Variants in BAHCC1 observed in about 807,000 individuals in gnomAD.
BAHCC1 encodes the protein BAH and coiled-coil domain-containing protein 1.
A neutral mutation model predicts 88.2 loss-of-function variants in BAHCC1; 43 were observed. The observed-to-expected ratio is 0.49, with a 90% CI of 0.38 to 0.63. The LOEUF (loss-of-function observed/expected upper bound fraction) is 0.63, where lower values mean the gene tolerates loss of function less well. Ranked by LOEUF, BAHCC1 falls within the 20% of genes least tolerant of loss-of-function variation. The probability of loss-of-function intolerance (pLI) is 0.00; values close to 1 mark genes in which losing one functional copy is unlikely to be tolerated. For missense variants in BAHCC1, 3,023 were observed against 1,654.8 expected (o/e 1.83, Z -14.34); for synonymous variants, 1,510 against 745.5 (o/e 2.03, Z -16.71).
rs1341860053 is a variant in BAHCC1, at chr17:81,457,316, C to A, written c.4859-94C>A. 4.5e-6 allele frequency: 3 copies of A among 667,566 alleles called. No individual in the cohort carries two copies. The African/African-American group carries it at 5.3e-5, about 12-fold the overall frequency. 41.4% of individuals were successfully genotyped at this position (667,566 alleles called of 1,614,324 possible). A position where few individuals can be genotyped will look rare whatever the true frequency, so the allele number is the denominator to read the frequency against. On this transcript the variant is annotated intron_variant, in intron 16 of 27. Transcript: ENST00000675386. ...ACGGTGACCAGCTCCACTCACAGCC[C>A]CGCCATAACCGCATGCCCAGAGGGT...
At position 81,445,450 on chromosome 17, in the gene BAHCC1, C is replaced by T. The variant is rs1555654061; in HGVS notation, c.2932C>T (p.Pro978Ser). 2.6e-6 allele frequency: 2 copies of T among 765,388 alleles called. No homozygotes were observed. Among genetic ancestry groups the T allele is most frequent in the Admixed American group, 1.7e-5 (1 of 57,642 alleles). 47.4% of individuals were successfully genotyped at this position (765,388 alleles called of 1,614,324 possible). Residue 978 changes from proline (P) to serine (S), a missense_variant, in exon 10 of 28, where the codon CCG becomes TCG. Pro to Ser is a moderately conservative substitution (Grantham distance 74). Transcript: ENST00000675386. Reference sequence around the variant, plus strand: ...GCCAGTTGCCTTAACCCCCACGGCCCCGGGCGCCCCCTCACCCGCTGCAGG... The same window carrying T: ...GCCAGTTGCCTTAACCCCCACGGCCTCGGGCGCCCCCTCACCCGCTGCAGG... ...HKPVALTPTA[P>S]GAPSPAAGPT...
At chr17:81,454,537 C>T (rs372283544) in intron 14 of BAHCC1, among the ~76,000 whole-genome samples, 5 of 150,068 alleles carry the variant, frequency 3.3e-5, no homozygotes, top group East Asian at 3.9e-4. Flanking sequence ...CTCTGGACAC[C>T]GCCCCCACCC....
chr17:81,446,978 C>A, intron 10 of BAHCC1, 58 bp from the exon 11 acceptor site: 1 of 770,586 alleles, frequency 1.3e-6, no homozygotes, highest in Non-Finnish European at 2.4e-6. Flanking sequence ...CGTCCTATCG[C>A]AGGACACCCC....
At chr17:81,413,945 C>T (rs1476579033) in intron 2 of BAHCC1, among the ~76,000 whole-genome samples, 4 of 152,192 alleles carry the variant, frequency 2.6e-5, no homozygotes, top group African/African-American at 4.8e-5. Flanking sequence ...TCAGCCACCC[C>T]GGGGGCTCCC....
Position 81,456,440 on chromosome 17 carries a change from C to T in BAHCC1, c.4713C>T (p.Pro1571=), listed in dbSNP as rs1568032860. 3 of 722,356 alleles carry T rather than the reference C, an allele frequency of 4.2e-6. No homozygotes were observed. Among genetic ancestry groups the T allele is most frequent in the African/African-American group, 1.7e-5 (1 of 57,472 alleles). The allele number at this position is 722,356 out of a possible 1,614,324, so 44.7% of individuals were successfully genotyped here. The change falls in exon 16 of 28, where the codon CCC becomes CCT. Residue 1571 remains proline (P), a synonymous_variant. Coordinates refer to ENST00000675386, the MANE Select transcript of BAHCC1 (RefSeq NM_001377448.1). ...CTTTCCAGCAGAAGGAGGCTACCCCCGGGGGGCGCATCCGGGAGAAGCTGT... is the reference window on the plus strand; with the variant it reads ...CTTTCCAGCAGAAGGAGGCTACCCCTGGGGGGCGCATCCGGGAGAAGCTGT... ...LSSFQQKEAT[P]GGRIREKLSR... is the part of the protein sequence containing the mutation.
chr17:81,462,256 C>T (rs1023874162), intron 26 of BAHCC1, among the ~76,000 whole-genome samples: 6 of 152,238 alleles, frequency 3.9e-5, no homozygotes, highest in Non-Finnish European at 8.8e-5. Flanking sequence ...CCGTGGCCTG[C>T]GTGACAGTAG....
chr17:81,452,172 C>A, intron 13 of BAHCC1, 65 bp downstream of exon 13: 1 of 551,448 alleles, frequency 1.8e-6, no homozygotes, highest in Non-Finnish European at 3.2e-6. Flanking sequence ...GAGGCGCCCA[C>A]AGTGCTGGGG....
intron 10 of BAHCC1, 71 bp downstream of exon 10, chr17:81,445,752 G>A (rs1188267122): frequency 1.3e-5 from 9 of 678,064 alleles, no homozygotes; most frequent in Non-Finnish European, 1.9e-5. Flanking sequence ...CGGCAGGGCT[G>A]CGCTGAATCC....
At chr17:81,453,405 G>A (rs1481335024) in intron 14 of BAHCC1, among the ~76,000 whole-genome samples, 23 of 152,286 alleles carry the variant, frequency 1.5e-4, no homozygotes, top group African/African-American at 4.3e-4. Flanking sequence ...TGGCGCGTGC[G>A]TGTGCGCACT....
At chr17:81,433,004 A>G (rs1253526978) in intron 3 of BAHCC1, among the ~76,000 whole-genome samples, 1 of 144,984 alleles carries the variant, frequency 6.9e-6, no homozygotes, top group Non-Finnish European at 1.5e-5. Context: ...GGAGGCTCCC[A>G]TGGGAACCTG....
At chr17:81,409,726 G>T (rs2063925334) in intron 2 of BAHCC1, among the ~76,000 whole-genome samples, 1 of 152,210 alleles carries the variant, frequency 6.6e-6, no homozygotes, top group Admixed American at 6.5e-5. Flanking sequence ...AAGGCCGGGT[G>T]TGAATCAGCT....
rs1360903226 is a variant in BAHCC1, at chr17:81,432,488, A to G, written c.358+5509A>G. On this transcript the variant is annotated intron_variant, in intron 3 of 27. Transcript: ENST00000675386. ...TAGCTCCACGCTCCGAGAACTGTCCATTGCCCCCTGTGGCTTGAGGGCGGC... is the reference window on the plus strand; with the variant it reads ...TAGCTCCACGCTCCGAGAACTGTCCGTTGCCCCCTGTGGCTTGAGGGCGGC... Among the ~76,000 whole-genome samples the G allele has an allele frequency of 4.6e-5, 6 of 131,364 alleles. No individual in the cohort carries two copies. In the East Asian group the frequency reaches 8.5e-4, roughly 19 times the overall value. The allele number at this position is 131,364 out of a possible 152,430, so 86.2% of individuals were successfully genotyped here.
At chr17:81,417,560 C>CCG (rs1555648941) in intron 2 of BAHCC1, among the ~76,000 whole-genome samples, 8 of 136,700 alleles carry the variant, frequency 5.9e-5, no homozygotes, top group Admixed American at 1.4e-4. Context: ...CGGCCACCCC[C>CCG]CCCCCGCCCT....
At position 81,435,330 on chromosome 17, in the gene BAHCC1, A is replaced by G. The variant is rs1435405313; in HGVS notation, c.359-3040A>G. 2.4e-6 allele frequency: 1 copy of G among 418,210 alleles called. No individual in the cohort carries two copies. Among genetic ancestry groups the G allele is most frequent in the Non-Finnish European group, 4.9e-6 (1 of 205,272 alleles). 25.9% of individuals were successfully genotyped at this position (418,210 alleles called of 1,614,324 possible). A position where few individuals can be genotyped will look rare whatever the true frequency, so the allele number is the denominator to read the frequency against. On this transcript the variant is annotated intron_variant, in intron 3 of 27. Coordinates refer to ENST00000675386, the MANE Select transcript of BAHCC1 (RefSeq NM_001377448.1). This position sits in a 1 kb window ranked among gnomAD's most constrained non-coding sequence, Gnocchi z 4.4. ...GCCTCTGTCTCCTGCAGTCTGTCCCATCACAGGACTGAGTTTGGAGTCTCC... is the reference window on the plus strand; with the variant it reads ...GCCTCTGTCTCCTGCAGTCTGTCCCGTCACAGGACTGAGTTTGGAGTCTCC...
intron 2 of BAHCC1, chr17:81,402,331 T>C (rs2063827452): frequency 6.6e-6 from 1 of 152,218 alleles, no homozygotes; most frequent in Non-Finnish European, 1.5e-5. Flanking sequence ...AGAGCCAGAA[T>C]ATTGTATTGG....
At chr17:81,430,690 G>A (rs1000451677) in intron 3 of BAHCC1, among the ~76,000 whole-genome samples, 6 of 152,152 alleles carry the variant, frequency 3.9e-5, no homozygotes, top group Non-Finnish European at 8.8e-5. Flanking sequence ...AGAGGTACTG[G>A]GGCCCCAGCT....
intron 11 of BAHCC1, 75 bp downstream of exon 11, chr17:81,447,923 C>G: frequency 2.9e-6 from 2 of 697,374 alleles, no homozygotes; most frequent in Non-Finnish European, 5.3e-6. Flanking sequence ...GGTCACCTGG[C>G]CAGACGGCAG....
At position 81,458,435 on chromosome 17, in the gene BAHCC1, G is replaced by T. The variant is rs782165284; in HGVS notation, c.5312G>T (p.Arg1771Leu). 15 of 737,330 alleles carry T rather than the reference G, an allele frequency of 2.0e-5. No homozygotes were observed. The highest frequency in any genetic ancestry group is 5.0e-6 in the Non-Finnish European group (2 of 400,550). The allele number at this position is 737,330 out of a possible 1,614,324, so 45.7% of individuals were successfully genotyped here. A position where few individuals can be genotyped will look rare whatever the true frequency, so the allele number is the denominator to read the frequency against. Reference protein sequence around the residue: ...LASERLKRATRKGTVLQPVLR... With the variant: ...LASERLKRATLKGTVLQPVLR... ...AGTGAGCGCCTCAAGAGGGCCACGC[G>T]CAAGGGCACAGTGCTGCAGCCAGTG... Residue 1771 changes from arginine to leucine, a missense_variant, in exon 18 of 28, where the codon CGC becomes CTC. Coordinates refer to ENST00000675386, the MANE Select transcript of BAHCC1 (RefSeq NM_001377448.1).
rs782810758 is a variant in BAHCC1, at chr17:81,442,320, C to T, written c.971C>T (p.Ala324Val). 5.9e-6 allele frequency: 4 copies of T among 675,034 alleles called. No individual in the cohort carries two copies. The highest frequency in any genetic ancestry group is 3.2e-5 in the South Asian group (2 of 62,014). 41.8% of individuals were successfully genotyped at this position (675,034 alleles called of 1,614,324 possible). A position where few individuals can be genotyped will look rare whatever the true frequency, so the allele number is the denominator to read the frequency against. Reference protein sequence around the residue: ...VVTSGRCAKEAAGPPEPGPAF... With the variant: ...VVTSGRCAKEVAGPPEPGPAF... ...ACCTCCGGGCGCTGTGCAAAGGAGG[C>T]AGCAGGCCCCCCGGAGCCCGGGCCG... The change falls in exon 5 of 28, where the codon GCA (alanine) becomes GTA (valine). Residue 324 changes from alanine to valine, a missense_variant. Transcript: ENST00000675386.
Sources: allele counts gnomAD v4.1 joint callset (sites outside exome capture counted in the v4.1 genomes callset), GRCh38; gene constraint gnomAD v4.1.1; non-coding constraint Gnocchi (gnomAD v3.1); transcripts MANE v1.5; gene names NCBI Gene and HGNC (gene_info 2026-07-23, HGNC 2026-07-21).